Variants in ATG10 observed in about 807,000 individuals in gnomAD.
ATG10 encodes ubiquitin-like-conjugating enzyme ATG10.
A neutral mutation model predicts 32.1 loss-of-function variants in ATG10; 30 were observed. The observed-to-expected ratio is 0.94, with a 90% confidence interval of 0.70 to 1.27. ATG10 has a LOEUF of 1.27. ATG10 is among the 50% of genes most tolerant of loss of function. The pLI is 0.00. For synonymous variants in ATG10, 87 were observed against 91.5 expected, an observed-to-expected ratio of 0.95 and a Z score of 0.28; for missense variants, 233 against 262.3, an observed-to-expected ratio of 0.89 and a Z score of 0.77.
At chr5:81,981,252 G>A (rs552786966) in intron 1 of ATG10, among the ~76,000 whole-genome samples, 9 of 152,324 alleles carry the variant, frequency 5.9e-5, no homozygotes, top group South Asian at 2.1e-4. Context: ...CTTTTAGCAT[G>A]ATTCCCTTTG....
chr5:82,212,031 C>G (rs1025954757), intron 5 of ATG10, among the ~76,000 whole-genome samples: 1 of 152,244 alleles, frequency 6.6e-6, no homozygotes, highest in Admixed American at 6.5e-5. Context: ...TGAATCTCAA[C>G]GGACATGCAA....
intron 5 of ATG10, among the ~76,000 whole-genome samples, chr5:82,189,930 T>C (rs1303968069): frequency 6.6e-6 from 1 of 152,208 alleles, no homozygotes; most frequent in Non-Finnish European, 1.5e-5. Context: ...TGGCCGTTTT[T>C]AATTTGAATA....
chr5:82,020,269 A>G (rs1022097573), intron 2 of ATG10, among the ~76,000 whole-genome samples: 5 of 152,210 alleles, frequency 3.3e-5, no homozygotes, highest in Non-Finnish European at 5.9e-5. Flanking sequence ...CAAGCTGCTG[A>G]GGTTATGGGT....
intron 3 of ATG10, chr5:82,147,171 C>T (rs1341104950): frequency 5.0e-6 from 1 of 200,014 alleles, no homozygotes; most frequent in African/African-American, 2.4e-5. Context: ...TAAACTTTTT[C>T]TCTTTTTTCT....
intron 5 of ATG10, among the ~76,000 whole-genome samples, chr5:82,235,019 G>T (rs1358539211): frequency 6.6e-6 from 1 of 152,088 alleles, no homozygotes; most frequent in African/African-American, 2.4e-5. Flanking sequence ...TGCTTTCCTG[G>T]CACGCCCCTG....
chr5:82,031,013 A>G (rs1762728685), intron 2 of ATG10, among the ~76,000 whole-genome samples: 1 of 152,250 alleles, frequency 6.6e-6, no homozygotes, highest in South Asian at 2.1e-4. Context: ...TCATCGTTTT[A>G]TACCCAGCTT....
chr5:82,129,830 C>A lies in ATG10; in HGVS notation c.217-34569C>A, dbSNP rs533157761. ...TCAGGAGTCAGGGGGGTCAGGGAGC[C>A]ACTTGAGGAGGCGGTCTGTCCCTTG... On this transcript the variant is annotated intron_variant, in intron 3 of 7. Coordinates refer to ENST00000282185, the MANE Select transcript of ATG10 (RefSeq NM_031482.5). Among the ~76,000 whole-genome samples, 341 of 152,230 alleles carry A rather than the reference C, an allele frequency of 2.2e-3. 2 individuals are homozygous for A. The highest frequency in any genetic ancestry group is 7.9e-3 in the African/African-American group (329 of 41,554).
chr5:82,224,325 C>T (rs1746036412), intron 5 of ATG10, among the ~76,000 whole-genome samples: 1 of 152,048 alleles, frequency 6.6e-6, no homozygotes, highest in Non-Finnish European at 1.5e-5. Flanking sequence ...TCACAAATAC[C>T]CAGGCTTCAG....
chr5:82,057,081 T>A (rs956707650), intron 2 of ATG10, among the ~76,000 whole-genome samples: 9 of 152,110 alleles, frequency 5.9e-5, no homozygotes, highest in Non-Finnish European at 1.0e-4. Flanking sequence ...CAGGCAGGAA[T>A]GATATTAAAA....
At chr5:82,243,416 G>T (rs527426842) in intron 5 of ATG10, among the ~76,000 whole-genome samples, 1 of 151,998 alleles carries the variant, frequency 6.6e-6, no homozygotes, top group South Asian at 2.1e-4. Context: ...TTAAAAATCC[G>T]TCTATGTTCT....
chr5:81,972,751 GTCTT>G (rs777126027), intron 1 of ATG10, among the ~76,000 whole-genome samples: 67 of 152,222 alleles, frequency 4.4e-4, no homozygotes, highest in East Asian at 1.4e-3. Context: ...GAGCCAACAG[GTCTT>G]TCTTTTTTTT....
At position 81,972,244 on chromosome 5, in the gene ATG10, C is replaced by G. The variant is rs908763254; in HGVS notation, c.-75C>G. ...GGTCCCTCTCCCCAGCTCTCCTCCC[C>G]CTGGCCCCGTCGCCCCGCCCTCGCC... On this transcript the variant is annotated 5_prime_UTR_variant, in exon 1 of 8. Coordinates refer to ENST00000282185, the MANE Select transcript of ATG10 (RefSeq NM_031482.5). The G allele has an allele frequency of 6.6e-6, 1 of 152,548 alleles. No individual in the cohort carries two copies. The highest frequency in any genetic ancestry group is 1.5e-5 in the Non-Finnish European group (1 of 68,276). 9.4% of individuals were successfully genotyped at this position (152,548 alleles called of 1,614,324 possible).
chr5:82,052,976 A>G (rs901814936), intron 2 of ATG10, among the ~76,000 whole-genome samples: 3 of 152,206 alleles, frequency 2.0e-5, no homozygotes, highest in African/African-American at 7.2e-5. Context: ...ATATGTGACT[A>G]TATCCATAAG....
chr5:82,066,815 A>G (rs1231345398), intron 3 of ATG10, among the ~76,000 whole-genome samples: 1 of 152,116 alleles, frequency 6.6e-6, no homozygotes, highest in Non-Finnish European at 1.5e-5. Flanking sequence ...TATTTTTTTT[A>G]TAATGGAATA....
intron 3 of ATG10, among the ~76,000 whole-genome samples, chr5:82,096,499 G>A (rs1765071367): frequency 6.6e-6 from 1 of 151,998 alleles, no homozygotes; most frequent in South Asian, 2.1e-4. Flanking sequence ...CTGCCCTCTA[G>A]CCCTTGGCTT....
At chr5:82,171,318 T>C (rs531291354) in intron 4 of ATG10, among the ~76,000 whole-genome samples, 1 of 152,350 alleles carries the variant, frequency 6.6e-6, no homozygotes, top group African/African-American at 2.4e-5. Context: ...AACTTTCTCA[T>C]GTAATTAAAA....
chr5:82,200,864 A>T (rs115982773), intron 5 of ATG10, among the ~76,000 whole-genome samples: 1,761 of 143,216 alleles, frequency 0.012, 36 homozygotes, highest in African/African-American at 0.044. Flanking sequence ...TTAAAAATAC[A>T]TTATTTATTT....
At chr5:82,004,146 A>C (rs1761926463) in intron 2 of ATG10, among the ~76,000 whole-genome samples, 1 of 152,182 alleles carries the variant, frequency 6.6e-6, no homozygotes, top group Non-Finnish European at 1.5e-5. Flanking sequence ...TCAAAAAAAA[A>C]AAAGTATGGT....
At chr5:81,987,781 T>G (rs975453115) in intron 2 of ATG10, 103 bp downstream of exon 2, 1 of 796,758 alleles carries the variant, frequency 1.3e-6, no homozygotes, top group Non-Finnish European at 2.0e-6. Flanking sequence ...AATTAAGGTA[T>G]GAAAACTGGT....
Sources: allele counts gnomAD v4.1 joint callset (sites outside exome capture counted in the v4.1 genomes callset), GRCh38; gene constraint gnomAD v4.1.1; transcripts MANE v1.5; gene names NCBI Gene and HGNC (gene_info 2026-07-23, HGNC 2026-07-21).